The following OR10H3 variants were observed in gnomAD, a reference collection of about 807,000 sequenced individuals.
The protein encoded by OR10H3 is olfactory receptor 10H3.
OR10H3 carries 15 observed loss-of-function variants against 11.1 expected under a neutral mutation model. The observed-to-expected ratio is 1.36, with a 90% CI of 0.91 to 2.09. The LOEUF is 2.09. Ranked by LOEUF, OR10H3 falls within the 30% of genes most tolerant of loss-of-function variation. The pLI is 0.00. For synonymous variants in OR10H3, 149 were observed against 142.1 expected (o/e 1.05, Z -0.35); for missense variants, 403 against 391.5 (o/e 1.03, Z -0.25).
At chr19:15,738,727 C>T (rs777229387) in intron 1 of OR10H3, among the ~76,000 whole-genome samples, 1 of 151,438 alleles carries the variant, frequency 6.6e-6, no homozygotes, top group African/African-American at 2.4e-5. Flanking sequence ...TTTTCTTGCA[C>T]CAGTTTTGGA....
intron 1 of OR10H3, among the ~76,000 whole-genome samples, chr19:15,739,239 C>T (rs2008671409): frequency 6.6e-6 from 1 of 151,912 alleles, no homozygotes; most frequent in South Asian, 2.1e-4. Flanking sequence ...AATGAAATGT[C>T]CATTTTTGTA....
In OR10H3 at chr19:15,738,457, CTT is replaced by C. The variant is rs1275817344; in HGVS notation, c.-12+410_-12+411del. On this transcript the variant is annotated intron_variant, in intron 1 of 1. Transcript: ENST00000641646. ...AGGTGAAGTAGGCCTATAATTGTCTCTTTTTCTCGGTGAAGATTCTTGCCTGA... is the reference window on the plus strand; with the variant it reads ...AGGTGAAGTAGGCCTATAATTGTCTCTTTCTCGGTGAAGATTCTTGCCTGA... 2.6e-5 allele frequency among the ~76,000 whole-genome samples: 4 copies of C among 151,274 alleles called. No homozygotes were observed. In the East Asian group the frequency reaches 5.8e-4, roughly 22 times the overall value.
chr19:15,741,553 G>T lies in OR10H3; in HGVS notation c.161G>T (p.Arg54Leu), dbSNP rs11670007. The T allele has an allele frequency of 1.2e-6, 2 of 1,613,852 alleles. No homozygotes were observed. Among genetic ancestry groups the T allele is most frequent in the South Asian group, 1.1e-5 (1 of 91,072 alleles). The change falls in exon 2 of 2, where the codon CGC (arginine) becomes CTC (leucine). Residue 54 changes from arginine to leucine, a missense_variant. By Grantham distance (102) the Arg-to-Leu change is moderately radical (BLOSUM62 -2). Coordinates refer to ENST00000641646, the MANE Select transcript of OR10H3 (RefSeq NM_013938.2). ...LLIMATVWIE[R>L]RLHTPMYLFL... is the part of the protein sequence containing the mutation. ...ATCATGGCCACAGTTTGGATTGAAC[G>T]CAGACTCCACACACCCATGTACCTC...
intron 1 of OR10H3, among the ~76,000 whole-genome samples, chr19:15,738,254 A>G (rs544536107): frequency 3.3e-5 from 5 of 152,278 alleles, no homozygotes; most frequent in Admixed American, 6.5e-5. Context: ...TGAAATAATC[A>G]TGATTTTTCT....
intron 1 of OR10H3, among the ~76,000 whole-genome samples, chr19:15,738,877 C>A (rs888684774): frequency 1.3e-5 from 2 of 151,422 alleles, no homozygotes; most frequent in South Asian, 2.1e-4. Context: ...GTTATTGGTA[C>A]CTTCTCCTTG....
chr19:15,740,275 A>G (rs901696281), intron 1 of OR10H3, among the ~76,000 whole-genome samples: 5 of 152,164 alleles, frequency 3.3e-5, no homozygotes, highest in Non-Finnish European at 7.3e-5. Flanking sequence ...AAAATTCACA[A>G]TTAGATCAAT....
At chr19:15,738,780 T>C (rs775163372) in intron 1 of OR10H3, among the ~76,000 whole-genome samples, 23 of 152,122 alleles carry the variant, frequency 1.5e-4, no homozygotes, top group Non-Finnish European at 2.6e-4. Flanking sequence ...ATCTACAATG[T>C]AAATTTGTTA....
At chr19:15,740,089 T>TAAAAAATAA (rs1203293799) in intron 1 of OR10H3, among the ~76,000 whole-genome samples, 1 of 46,650 alleles carries the variant, frequency 2.1e-5, no homozygotes, top group Non-Finnish European at 4.1e-5. Flanking sequence ...GCCCTGTCTC[T>TAAAAAATAA]ACAAAAAAAA....
chr19:15,739,702 A>G, intron 1 of OR10H3, among the ~76,000 whole-genome samples: 1 of 152,030 alleles, frequency 6.6e-6, no homozygotes, highest in East Asian at 1.9e-4. Context: ...AAAAAAAAAT[A>G]ATCAATCTGC....
At chr19:15,738,903 T>G (rs1317883753) in intron 1 of OR10H3, among the ~76,000 whole-genome samples, 1 of 152,074 alleles carries the variant, frequency 6.6e-6, no homozygotes, top group Non-Finnish European at 1.5e-5. Context: ...CTTATTAATT[T>G]TTTCCAATAA....
Position 15,741,942 on chromosome 19 carries a change from T to C in OR10H3, c.550T>C (p.Ser184Pro). 6.2e-7 allele frequency: 1 copy of C among 1,614,188 alleles called. No individual in the cohort carries two copies. Residue 184 changes from serine to proline, a missense_variant, in exon 2 of 2, where the codon TCC becomes CCC. Transcript: ENST00000641646. Reference sequence around the variant, plus strand: ...CCACCATTTTCTCTGTCATGTGCTTTCCCTCTTGAAGTTGGCCTGTGGGAG... The same window carrying C: ...CCACCATTTTCTCTGTCATGTGCTTCCCCTCTTGAAGTTGGCCTGTGGGAG... ...VIHHFLCHVL[S>P]LLKLACGSKT...
chr19:15,741,726 C>A lies in OR10H3; in HGVS notation c.334C>A (p.His112Asn), dbSNP rs1427576996. 3 of 1,614,136 alleles carry A rather than the reference C, an allele frequency of 1.9e-6. No individual in the cohort carries two copies. ...CTTCTCCTTCATGTTTGGCTTCACT[C>A]ACTCCTTCCTTCTCATGGTCATGGG... ...MFFSFMFGFT[H>N]SFLLMVMGYD... Residue 112 changes from histidine to asparagine, a missense_variant, in exon 2 of 2, where the codon CAC (histidine) becomes AAC (asparagine). Transcript: ENST00000641646.
rs767855899 is a variant in OR10H3 at position 15,741,565 on chromosome 19, C to A, written c.173C>A (p.Thr58Lys). Residue 58 changes from threonine to lysine, a missense_variant, in exon 2 of 2, where the codon ACA (threonine) becomes AAA (lysine). Coordinates refer to ENST00000641646, the MANE Select transcript of OR10H3 (RefSeq NM_013938.2). Reference sequence around the variant, plus strand: ...GTTTGGATTGAACGCAGACTCCACACACCCATGTACCTCTTCTTGTGTGCC... The same window carrying A: ...GTTTGGATTGAACGCAGACTCCACAAACCCATGTACCTCTTCTTGTGTGCC... ...ATVWIERRLH[T>K]PMYLFLCALS... is the part of the protein sequence containing the mutation. The A allele has an allele frequency of 3.7e-6, 6 of 1,614,202 alleles. No homozygotes were observed. Among genetic ancestry groups the A allele is most frequent in the Non-Finnish European group, 5.1e-6 (6 of 1,180,024 alleles).
At chr19:15,738,994 C>T (rs1425175640) in intron 1 of OR10H3, among the ~76,000 whole-genome samples, 1 of 151,924 alleles carries the variant, frequency 6.6e-6, no homozygotes, top group African/African-American at 2.4e-5. Context: ...ATATTTCCTT[C>T]AAAGTACTAT....
At chr19:15,741,336 C>G in intron 1 of OR10H3, 46 bp from the exon 2 acceptor site, 1 of 1,281,824 alleles carries the variant, frequency 7.8e-7, no homozygotes, top group Non-Finnish European at 1.1e-6. Context: ...GTGCTAGAGT[C>G]TAAGTTTTAA....
rs1229355322 is a variant in OR10H3 at position 15,741,735 on chromosome 19, C to T, written c.343C>T (p.Leu115Phe). Residue 115 changes from leucine to phenylalanine, a missense_variant, in exon 2 of 2, where the codon CTT becomes TTT. Coordinates refer to ENST00000641646, the MANE Select transcript of OR10H3 (RefSeq NM_013938.2). ...SFMFGFTHSF[L>F]LMVMGYDHYV... is the part of the protein sequence containing the mutation. ...CATGTTTGGCTTCACTCACTCCTTC[C>T]TTCTCATGGTCATGGGCTATGATCA... is the stretch of plus-strand genomic sequence containing the variant. 2 of 1,614,050 alleles carry T rather than the reference C, an allele frequency of 1.2e-6. No homozygotes were observed. Among genetic ancestry groups the T allele is most frequent in the African/African-American group, 1.3e-5 (1 of 74,908 alleles).
At chr19:15,738,608 G>A (rs1377240320) in intron 1 of OR10H3, among the ~76,000 whole-genome samples, 2 of 150,824 alleles carry the variant, frequency 1.3e-5, no homozygotes, top group East Asian at 3.9e-4. Flanking sequence ...CAGTTTAATA[G>A]TACTTACCGC....
intron 1 of OR10H3, among the ~76,000 whole-genome samples, chr19:15,739,889 G>C (rs1055534001): frequency 3.3e-5 from 5 of 152,052 alleles, no homozygotes; most frequent in African/African-American, 9.7e-5. Context: ...GTGTGTGTGA[G>C]ATGTAAAAAT....
rs565009421 is a variant in OR10H3, at chr19:15,739,678, AAG to A, written c.-12+1629_-12+1630del. Among the ~76,000 whole-genome samples the A allele has an allele frequency of 3.8e-4, 58 of 152,224 alleles. 1 individual carries two copies. The highest frequency in any genetic ancestry group is 1.3e-3 in the African/African-American group (56 of 41,536). ...TGCACTCCAGCCTGGGTGACAGAGC[AAG>A]ACTCCGTCTCAAAAAAAAAATAATC... On this transcript the variant is annotated intron_variant, in intron 1 of 1. Transcript: ENST00000641646.
Sources: gnomAD v4.1 joint callset for allele counts (sites outside exome capture counted in the v4.1 genomes callset) on GRCh38, gnomAD v4.1.1 for gene constraint, MANE v1.5 for transcripts, NCBI Gene and HGNC (gene_info 2026-07-23, HGNC 2026-07-21) for gene names.